The following KLHL29 variants were observed in gnomAD, a reference collection of about 807,000 sequenced individuals.
KLHL29 encodes kelch-like protein 29.
A neutral mutation model predicts 80.4 loss-of-function variants in KLHL29; 21 were observed. That is an observed-to-expected ratio of 0.26 (90% confidence interval 0.19 to 0.38). The LOEUF (loss-of-function observed/expected upper bound fraction) is 0.38, where lower values mean the gene tolerates loss of function less well. Among genes scored for constraint, KLHL29 ranks in the 10% least tolerant of loss-of-function variants. KLHL29 has a pLI of 1.00. For missense variants in KLHL29, 867 were observed against 1,223.9 expected, an observed-to-expected ratio of 0.71 and a Z score of 4.35; for synonymous variants, 511 against 526.8, an observed-to-expected ratio of 0.97 and a Z score of 0.41.
intron 3 of KLHL29, among the ~76,000 whole-genome samples, chr2:23,609,264 A>G (rs1173983265): frequency 6.6e-6 from 1 of 152,184 alleles, no homozygotes; most frequent in Non-Finnish European, 1.5e-5. Flanking sequence ...GTGGCAGGGC[A>G]CTGTGTCTAA....
intron 2 of KLHL29, among the ~76,000 whole-genome samples, chr2:23,555,842 T>C (rs1667274692): frequency 6.6e-6 from 1 of 152,210 alleles, no homozygotes. Context: ...ATGATCCGAA[T>C]TGTGAGGCAG....
chr2:23,421,468 C>G (rs1464976063), intron 1 of KLHL29, among the ~76,000 whole-genome samples: 2 of 151,632 alleles, frequency 1.3e-5, no homozygotes, highest in Admixed American at 1.3e-4. Context: ...TGAAGGATTT[C>G]TGGTACAAAG....
At chr2:23,460,585 A>G (rs1664182340) in intron 1 of KLHL29, among the ~76,000 whole-genome samples, 1 of 152,120 alleles carries the variant, frequency 6.6e-6, no homozygotes, top group Non-Finnish European at 1.5e-5. Context: ...ACAGGAGCTC[A>G]GAGGATGAGC....
chr2:23,704,993 T>C (rs180673430), intron 13 of KLHL29, among the ~76,000 whole-genome samples: 1 of 152,382 alleles, frequency 6.6e-6, no homozygotes, highest in Admixed American at 6.5e-5. Flanking sequence ...GAGGAAGTTC[T>C]ATCTGTGAAA....
At chr2:23,393,084 A>G (rs1666359195) in intron 1 of KLHL29, among the ~76,000 whole-genome samples, 1 of 152,250 alleles carries the variant, frequency 6.6e-6, no homozygotes, top group Non-Finnish European at 1.5e-5. Flanking sequence ...AAAGGGTTAA[A>G]GATTCATCTA....
intron 5 of KLHL29, among the ~76,000 whole-genome samples, chr2:23,675,994 A>T (rs1172869208): frequency 6.6e-6 from 1 of 152,204 alleles, no homozygotes; most frequent in Non-Finnish European, 1.5e-5. Flanking sequence ...CCAGGTGCTC[A>T]GGAGGCCAGA....
At chr2:23,465,493 G>A (rs1664324152) in intron 1 of KLHL29, among the ~76,000 whole-genome samples, 1 of 152,120 alleles carries the variant, frequency 6.6e-6, no homozygotes, top group East Asian at 1.9e-4. Flanking sequence ...CGGCTTCCTC[G>A]CCTCATCGTG....
At chr2:23,578,285 C>T (rs940495838) in intron 3 of KLHL29, among the ~76,000 whole-genome samples, 2 of 152,158 alleles carry the variant, frequency 1.3e-5, no homozygotes, top group Admixed American at 6.5e-5. Flanking sequence ...GCCTGCACAG[C>T]GATGGGATTA....
intron 1 of KLHL29, among the ~76,000 whole-genome samples, chr2:23,393,004 A>G (rs1354792377): frequency 6.6e-6 from 1 of 152,220 alleles, no homozygotes; most frequent in Non-Finnish European, 1.5e-5. Context: ...TAGGTGTTTG[A>G]ATGGCGTCTG....
chr2:23,536,815 G>A (rs1407848511), intron 2 of KLHL29, among the ~76,000 whole-genome samples: 4 of 151,916 alleles, frequency 2.6e-5, no homozygotes, highest in Admixed American at 2.0e-4. Context: ...CATGCCTATA[G>A]TAAAGGAAAG....
chr2:23,457,576 G>A lies in KLHL29; in HGVS notation c.-153-17984G>A, dbSNP rs1664091899. On this transcript the variant is annotated intron_variant, in intron 1 of 13. Coordinates refer to ENST00000486442, the MANE Select transcript of KLHL29 (RefSeq NM_052920.2). This position sits in a 1 kb window ranked among gnomAD's most constrained non-coding sequence, Gnocchi z 4.3. Reference sequence around the variant, plus strand: ...GGAATTCCCTGTTCTGCTTTTAGGAGTGTCACAAGGATTGTAACAGCGTCC... The same window carrying A: ...GGAATTCCCTGTTCTGCTTTTAGGAATGTCACAAGGATTGTAACAGCGTCC... 6.6e-6 allele frequency among the ~76,000 whole-genome samples: 1 copy of A among 152,124 alleles called. No individual in the cohort carries two copies. The highest frequency in any genetic ancestry group is 6.5e-5 in the Admixed American group (1 of 15,276).
In KLHL29 at chr2:23,706,743, A is replaced by G; in HGVS notation, c.*79A>G. 9.2e-7 allele frequency: 1 copy of G among 1,082,916 alleles called. No homozygotes were observed. Among genetic ancestry groups the G allele is most frequent in the Non-Finnish European group, 1.3e-6 (1 of 790,184 alleles). The allele number at this position is 1,082,916 out of a possible 1,614,324, so 67.1% of individuals were successfully genotyped here. On this transcript the variant is annotated 3_prime_UTR_variant, in exon 14 of 14. Transcript: ENST00000486442. ...CACGCAATGATAATTTTCCAGCGAC[A>G]CCAACAAGAGGCCAACAAAACACAA...
In KLHL29 at chr2:23,681,248, T is replaced by C. The variant is rs1463481644; in HGVS notation, c.941-3151T>C. ...ATCCCCTGGTGAGCACTTTCATAAA[T>C]TGAAAAATTCTTCTGAAAGTGAATA... On this transcript the variant is annotated intron_variant, in intron 5 of 13. Transcript: ENST00000486442. The surrounding 1 kb of genome is among the most constrained non-coding windows in gnomAD (Gnocchi z 4.2). Among the ~76,000 whole-genome samples, 1 of 152,224 alleles carries C rather than the reference T, an allele frequency of 6.6e-6. No individual in the cohort carries two copies. The highest frequency in any genetic ancestry group is 2.4e-5 in the African/African-American group (1 of 41,456).
In KLHL29 at chr2:23,680,465, G is replaced by A. The variant is rs1166683043; in HGVS notation, c.941-3934G>A. ...GTGTGCAGTCCCACAGACGTAGGCG[G>A]GCATCCCGCTCAAAGCCGAGGAGAC... is the stretch of plus-strand genomic sequence containing the variant. On this transcript the variant is annotated intron_variant, in intron 5 of 13. Transcript: ENST00000486442. This position sits in a 1 kb window ranked among gnomAD's most constrained non-coding sequence, Gnocchi z 4.1. 6.6e-6 allele frequency among the ~76,000 whole-genome samples: 1 copy of A among 152,182 alleles called. No individual in the cohort carries two copies. Among genetic ancestry groups the A allele is most frequent in the Admixed American group, 6.5e-5 (1 of 15,288 alleles).
chr2:23,659,073 G>A (rs894803466), intron 5 of KLHL29, among the ~76,000 whole-genome samples: 11 of 152,108 alleles, frequency 7.2e-5, no homozygotes, highest in African/African-American at 2.2e-4. Context: ...GAACACCCCC[G>A]CTGCTGACCG....
At chr2:23,454,812 A>G (rs1044512830) in intron 1 of KLHL29, among the ~76,000 whole-genome samples, 2 of 150,608 alleles carry the variant, frequency 1.3e-5, no homozygotes, top group Admixed American at 6.6e-5. Context: ...TAAATTTTGT[A>G]CAACAAATAT....
intron 11 of KLHL29, 132 bp from the exon 12 acceptor site, chr2:23,703,054 G>A (rs1203898912): frequency 3.4e-6 from 2 of 581,896 alleles, no homozygotes; most frequent in African/African-American, 2.0e-5. Context: ...GCCCCCCACT[G>A]CTGGTGTGAT....
chr2:23,574,542 G>A (rs549647925), intron 3 of KLHL29, among the ~76,000 whole-genome samples: 7 of 152,296 alleles, frequency 4.6e-5, no homozygotes, highest in East Asian at 3.9e-4. Context: ...AGTGGCTGGC[G>A]TGGAGGGAAG....
At chr2:23,454,050 C>T (rs964500131) in intron 1 of KLHL29, among the ~76,000 whole-genome samples, 8 of 152,214 alleles carry the variant, frequency 5.3e-5, no homozygotes, top group Non-Finnish European at 5.9e-5. Flanking sequence ...GAGGCCAGGT[C>T]TGCTTTGAAG....
Sources: gnomAD v4.1 joint callset for allele counts (sites outside exome capture counted in the v4.1 genomes callset) on GRCh38, gnomAD v4.1.1 for gene constraint, Gnocchi (gnomAD v3.1) non-coding constraint, MANE v1.5 for transcripts, NCBI Gene and HGNC (gene_info 2026-07-23, HGNC 2026-07-21) for gene names.